The following PDK1 variants were observed in gnomAD, a reference collection of about 807,000 sequenced individuals.
The protein encoded by PDK1 is pyruvate dehydrogenase kinase 1.
Under a neutral mutation model 54.2 loss-of-function variants are expected in PDK1, and 39 were observed. The observed-to-expected ratio is 0.72, with a 90% CI of 0.56 to 0.94. The LOEUF (loss-of-function observed/expected upper bound fraction) is 0.94. PDK1 is among the 40% of genes least tolerant of loss of function. The pLI is 0.00. For synonymous variants in PDK1, 221 were observed against 207.1 expected, an observed-to-expected ratio of 1.07 and a Z score of -0.58; for missense variants, 552 against 566.0, an observed-to-expected ratio of 0.98 and a Z score of 0.25.
At chr2:172,653,134 T>C in the PDK1 span, among the ~76,000 whole-genome samples, 4 of 152,010 alleles carry the variant, frequency 2.6e-5, no homozygotes, top group African/African-American at 9.7e-5. Context: ...TATAGACCAA[T>C]GGAACAGAAC....
the PDK1 span, among the ~76,000 whole-genome samples, chr2:172,683,706 T>C: frequency 6.6e-6 from 1 of 152,166 alleles, no homozygotes; most frequent in South Asian, 2.1e-4. Flanking sequence ...TGGGGATGAG[T>C]AAAGTTACAA....
chr2:172,669,100 C>T, the PDK1 span, among the ~76,000 whole-genome samples: 1 of 144,108 alleles, frequency 6.9e-6, no homozygotes, highest in Admixed American at 7.1e-5. Context: ...CGCTCTGTCG[C>T]CCAGGCTGGA....
the PDK1 span, among the ~76,000 whole-genome samples, chr2:172,684,596 C>G: frequency 6.6e-6 from 1 of 152,144 alleles, no homozygotes; most frequent in Non-Finnish European, 1.5e-5. Flanking sequence ...GCCCCAGTGA[C>G]TTTAATCAAG....
chr2:172,614,182 C>A, the PDK1 span, among the ~76,000 whole-genome samples: 2 of 149,240 alleles, frequency 1.3e-5, no homozygotes, highest in Admixed American at 1.3e-4. Flanking sequence ...ACCCCCCCCC[C>A]CAACCCCCAT....
chr2:172,715,331 TCAGA>T, the PDK1 span, among the ~76,000 whole-genome samples: 1 of 152,178 alleles, frequency 6.6e-6, no homozygotes, highest in Admixed American at 6.5e-5. Flanking sequence ...GCCCAAGTTC[TCAGA>T]CAGCTCAGAT....
At chr2:172,571,774 C>T (rs935656796) in intron 8 of PDK1, among the ~76,000 whole-genome samples, 1 of 150,388 alleles carries the variant, frequency 6.6e-6, no homozygotes, top group Non-Finnish European at 1.5e-5. Flanking sequence ...TGTGTCAGTT[C>T]CTGGCCCTTT....
chr2:172,585,480 C>A (rs983666811), intron 8 of PDK1, among the ~76,000 whole-genome samples: 5 of 151,874 alleles, frequency 3.3e-5, no homozygotes, highest in Non-Finnish European at 4.4e-5. Flanking sequence ...CATGTGCCAC[C>A]ACACCTGGCT....
chr2:172,636,839 G>T, the PDK1 span, among the ~76,000 whole-genome samples: 1 of 152,060 alleles, frequency 6.6e-6, no homozygotes, highest in Non-Finnish European at 1.5e-5. Context: ...CATCACTGGG[G>T]TTCACATTTT....
the PDK1 span, among the ~76,000 whole-genome samples, chr2:172,638,313 A>C: frequency 1.3e-5 from 2 of 152,220 alleles, no homozygotes; most frequent in South Asian, 2.1e-4. Context: ...CAAGTGAAGA[A>C]AACAAATTAA....
At chr2:172,653,455 C>T in the PDK1 span, among the ~76,000 whole-genome samples, 2 of 152,120 alleles carry the variant, frequency 1.3e-5, no homozygotes, top group East Asian at 3.9e-4. Flanking sequence ...ATACAAATGT[C>T]AGCCGGGCAT....
chr2:172,631,309 G>C, the PDK1 span, among the ~76,000 whole-genome samples: 2 of 152,332 alleles, frequency 1.3e-5, no homozygotes, highest in South Asian at 2.1e-4. Flanking sequence ...GATGTGTACT[G>C]ATTGTTGTGT....
At chr2:172,570,583 C>A in intron 7 of PDK1, 143 bp from the exon 8 acceptor site, 3 of 472,934 alleles carry the variant, frequency 6.3e-6, no homozygotes, top group Non-Finnish European at 1.1e-5. Flanking sequence ...AAAAAAAAAA[C>A]TTTAAATGTG....
At chr2:172,703,766 C>CTTTTTTTTTTTTTTTTTTTTTTTTTTTTT in the PDK1 span, among the ~76,000 whole-genome samples, 31 of 89,114 alleles carry the variant, frequency 3.5e-4, 1 homozygote, top group African/African-American at 6.2e-4. Context: ...TTCTTTCTTT[C>CTTTTTTTTTTTTTTTTTTTTTTTTTTTTT]TTTTTTTTTT....
chr2:172,583,281 GTTTTTTTTTTTT>G (rs1175087926), intron 8 of PDK1, among the ~76,000 whole-genome samples: 52 of 77,076 alleles, frequency 6.7e-4, no homozygotes, highest in African/African-American at 2.6e-3. Flanking sequence ...AAGTTTTCTG[GTTTTTTTTTTTT>G]TTTTTTTTTT....
At chr2:172,573,526 CATAT>C (rs1689403710) in intron 8 of PDK1, among the ~76,000 whole-genome samples, 1 of 150,908 alleles carries the variant, frequency 6.6e-6, no homozygotes, top group African/African-American at 2.4e-5. Context: ...CACACACATA[CATAT>C]ACATATATAC....
At chr2:172,609,216 C>G (rs1691388817), downstream of PDK1, among the ~76,000 whole-genome samples, 1 of 152,110 alleles carries the variant, frequency 6.6e-6, no homozygotes, top group Non-Finnish European at 1.5e-5. Context: ...CACTCAACTT[C>G]CAGAAAATGA....
rs1691262119 is a variant in PDK1, at chr2:172,605,520, G to T, written c.*9551G>T. ...CCTCCAAGTAGCTGGGACTACAGGTGCCTGCCACCATGCCCAGCTAATTTT... is the reference window on the plus strand; with the variant it reads ...CCTCCAAGTAGCTGGGACTACAGGTTCCTGCCACCATGCCCAGCTAATTTT... On this transcript the variant is annotated 3_prime_UTR_variant, in exon 11 of 11. Transcript: ENST00000282077. 2 of 152,290 alleles carry T rather than the reference G, an allele frequency of 1.3e-5. No homozygotes were observed. Among genetic ancestry groups the T allele is most frequent in the Admixed American group, 1.3e-4 (2 of 15,246 alleles). 9.4% of individuals were successfully genotyped at this position (152,290 alleles called of 1,614,324 possible).
the PDK1 span, among the ~76,000 whole-genome samples, chr2:172,631,324 T>G: frequency 6.6e-6 from 1 of 152,266 alleles, no homozygotes; most frequent in Non-Finnish European, 1.5e-5. Context: ...TTGTGTTGTT[T>G]ACTAGAAGAC....
intron 2 of PDK1, among the ~76,000 whole-genome samples, chr2:172,560,876 T>C (rs914511028): frequency 1.3e-5 from 2 of 152,224 alleles, no homozygotes; most frequent in Non-Finnish European, 2.9e-5. Flanking sequence ...ACAAATGAGT[T>C]GCCCAGAGTT....
Sources: gnomAD v4.1 joint callset for allele counts (sites outside exome capture counted in the v4.1 genomes callset) on GRCh38, gnomAD v4.1.1 for gene constraint, MANE v1.5 for transcripts, NCBI Gene and HGNC (gene_info 2026-07-23, HGNC 2026-07-21) for gene names.